The following RASGRF1 variants were observed in gnomAD, a reference collection of about 807,000 sequenced individuals.
RASGRF1 encodes ras-specific guanine nucleotide-releasing factor 1.
RASGRF1 carries 40 observed loss-of-function variants against 138.7 expected under a neutral mutation model. That is an observed-to-expected ratio of 0.29 (90% CI 0.22 to 0.38). The LOEUF (loss-of-function observed/expected upper bound fraction) is 0.38. RASGRF1 is among the 10% of genes least tolerant of loss of function. The pLI is 1.00. For missense variants in RASGRF1, 1,108 were observed against 1,650.4 expected (o/e 0.67, Z 5.69); for synonymous variants, 614 against 663.2 (o/e 0.93, Z 1.14).
rs115476322 is a variant in RASGRF1 at position 79,051,383 on chromosome 15, G to C, written c.532-1795C>G. On this transcript the variant is annotated intron_variant, in intron 3 of 26. Coordinates refer to ENST00000558480, the MANE Select transcript of RASGRF1 (RefSeq NM_001145648.3). ...TTCTCCCCACCCCCTCCCCCTTTTC[G>C]ATCCTTTGAGAACATTTGCACATTG... 3.2e-3 allele frequency among the ~76,000 whole-genome samples: 425 copies of C among 132,004 alleles called. 2 individuals carry two copies. The highest frequency in any genetic ancestry group is 0.016 in the Middle Eastern group (4 of 258). 86.6% of individuals were successfully genotyped at this position (132,004 alleles called of 152,430 possible). A position where few individuals can be genotyped will look rare whatever the true frequency, so the allele number is the denominator to read the frequency against.
intron 20 of RASGRF1, 71 bp downstream of exon 20, chr15:78,995,669 A>C (rs6495359): frequency 1 from 1,554,856 of 1,556,390 alleles, 776,681 homozygotes; most frequent in East Asian, 1. Flanking sequence ...GATGCCTGTG[A>C]TGGGTCAGGG....
chr15:78,998,666 G>T, intron 18 of RASGRF1, 53 bp downstream of exon 18: 1 of 1,452,430 alleles, frequency 6.9e-7, no homozygotes. Context: ...CTGGTTCCTG[G>T]GGCCATTGCC....
At chr15:79,041,756 C>T (rs148330298) in intron 5 of RASGRF1, among the ~76,000 whole-genome samples, 1 of 152,274 alleles carries the variant, frequency 6.6e-6, no homozygotes, top group Non-Finnish European at 1.5e-5. Context: ...CAGAACCAGG[C>T]CCCCTCACTC....
chr15:79,042,110 G>A (rs561962667), intron 5 of RASGRF1, among the ~76,000 whole-genome samples: 5 of 152,240 alleles, frequency 3.3e-5, no homozygotes, highest in East Asian at 3.9e-4. Flanking sequence ...CAAATGTTTC[G>A]TTCAAAGATC....
rs775307976 is a variant in RASGRF1 at position 79,003,939 on chromosome 15, G to A, written c.2312C>T (p.Ser771Leu). The A allele has an allele frequency of 8.1e-6, 13 of 1,614,086 alleles. No individual in the cohort carries two copies. Among genetic ancestry groups the A allele is most frequent in the African/African-American group, 8.0e-5 (6 of 74,936 alleles). ...CNSNGYTSMY[S>L]AMSPFSKATL... is the part of the protein sequence containing the mutation. ...GGCCTTGCTGAAGGGTGACATGGCC[G>A]AGTACATGCTGGTGTAGCCATTGGA... The change falls in exon 15 of 27, where the codon TCG (serine) becomes TTG (leucine). Residue 771 changes from serine (S) to leucine (L), a missense_variant. Around this residue, in one of 3 missense-constraint regions of RASGRF1, gnomAD observed 686 missense variants for 976.7 expected, o/e 0.70. Coordinates refer to ENST00000558480, the MANE Select transcript of RASGRF1 (RefSeq NM_001145648.3).
intron 16 of RASGRF1, among the ~76,000 whole-genome samples, chr15:79,001,039 T>G (rs891978534): frequency 6.6e-6 from 1 of 152,186 alleles, no homozygotes; most frequent in Non-Finnish European, 1.5e-5. Flanking sequence ...CCCCCTTGTA[T>G]AGGGGAAAGG....
intron 6 of RASGRF1, among the ~76,000 whole-genome samples, chr15:79,033,089 C>T (rs1302614517): frequency 6.6e-6 from 1 of 152,118 alleles, no homozygotes; most frequent in Non-Finnish European, 1.5e-5. Flanking sequence ...ATCTAGTTCA[C>T]CAGGTGGGGC....
At chr15:79,033,627 C>T (rs1429168611) in intron 6 of RASGRF1, among the ~76,000 whole-genome samples, 4 of 146,128 alleles carry the variant, frequency 2.7e-5, no homozygotes, top group African/African-American at 1.0e-4. Context: ...TTCTGTTGCC[C>T]AGGCTGGAGT....
intron 22 of RASGRF1, among the ~76,000 whole-genome samples, chr15:78,989,885 C>T (rs761355431): frequency 6.6e-6 from 1 of 152,180 alleles, no homozygotes; most frequent in Non-Finnish European, 1.5e-5. Context: ...AGGAGTAACC[C>T]CCACTTAGGA....
rs559528437 is a variant in RASGRF1 at position 79,041,536 on chromosome 15, G to A, written c.878+5210C>T. Among the ~76,000 whole-genome samples the A allele has an allele frequency of 5.3e-5, 8 of 152,332 alleles. No individual in the cohort carries two copies. In the South Asian group the frequency reaches 1.7e-3, roughly 32 times the overall value. On this transcript the variant is annotated intron_variant, in intron 5 of 26. Transcript: ENST00000558480. Reference sequence around the variant, plus strand: ...AAGCCAATGGCAGCAAGGGATGTGGGGGTGGTCAGGGACATGGCATCCAAG... The same window carrying A: ...AAGCCAATGGCAGCAAGGGATGTGGAGGTGGTCAGGGACATGGCATCCAAG...
chr15:79,003,400 G>A (rs2056583889), intron 15 of RASGRF1, among the ~76,000 whole-genome samples: 2 of 152,216 alleles, frequency 1.3e-5, no homozygotes, highest in Admixed American at 1.3e-4. Context: ...AATCCCAGGG[G>A]GCAGGAGCTG....
Position 79,000,342 on chromosome 15 carries a change from C to T in RASGRF1, c.2576-429G>A, listed in dbSNP as rs75410700. On this transcript the variant is annotated intron_variant, in intron 16 of 26. Transcript: ENST00000558480. ...CCATAACAATTCATACTGATGGGCT[C>T]GTGGGCACAGTGGGATGGAGAGAGG... Among the ~76,000 whole-genome samples, 850 of 152,266 alleles carry T rather than the reference C, an allele frequency of 5.6e-3. 21 individuals carry two copies. The highest frequency in any genetic ancestry group is 0.038 in the Admixed American group (585 of 15,300).
intron 1 of RASGRF1, among the ~76,000 whole-genome samples, chr15:79,079,302 A>G (rs1326910582): frequency 6.6e-6 from 1 of 152,216 alleles, no homozygotes; most frequent in Non-Finnish European, 1.5e-5. Context: ...GAATGAAGGT[A>G]CAAACTTCAG....
At chr15:79,020,436 T>G (rs1432734839) in intron 10 of RASGRF1, among the ~76,000 whole-genome samples, 1 of 152,234 alleles carries the variant, frequency 6.6e-6, no homozygotes, top group African/African-American at 2.4e-5. Flanking sequence ...GGGCATCGCT[T>G]CATAGCCCTA....
intron 26 of RASGRF1, among the ~76,000 whole-genome samples, chr15:78,969,780 ATC>A (rs1398028331): frequency 6.6e-6 from 1 of 152,092 alleles, no homozygotes; most frequent in Admixed American, 6.6e-5. Flanking sequence ...TGTAATAATC[ATC>A]TGTCATATTA....
chr15:79,027,619 C>T lies in RASGRF1; in HGVS notation c.1381+122G>A. 1 of 784,544 alleles carries T rather than the reference C, an allele frequency of 1.3e-6. No individual in the cohort carries two copies. The highest frequency in any genetic ancestry group is 2.1e-6 in the Non-Finnish European group (1 of 467,814). The allele number at this position is 784,544 out of a possible 1,614,324, so 48.6% of individuals were successfully genotyped here. On this transcript the variant is annotated intron_variant, in intron 9 of 26. Coordinates refer to ENST00000558480, the MANE Select transcript of RASGRF1 (RefSeq NM_001145648.3). This position sits in a 1 kb window ranked among gnomAD's most constrained non-coding sequence, Gnocchi z 4.8. Reference sequence around the variant, plus strand: ...CAGCAGCCTGGGAATATTCTGCAATCACATTGGCAGGTCTTGGCATGTGGC... The same window carrying T: ...CAGCAGCCTGGGAATATTCTGCAATTACATTGGCAGGTCTTGGCATGTGGC...
rs750880296 is a variant in RASGRF1 at position 79,090,487 on chromosome 15, C to A, written c.12G>T (p.Gly4=). 4.9e-5 allele frequency: 79 copies of A among 1,612,116 alleles called. No homozygotes were observed. Among genetic ancestry groups the A allele is most frequent in the Non-Finnish European group, 6.5e-5 (77 of 1,179,926 alleles). The change falls in exon 1 of 27, where the codon GGG becomes GGT. Residue 4 remains glycine, a synonymous_variant. Transcript: ENST00000558480. Reference sequence around the variant, plus strand: ...CGACGTGGCCATCATTCAGCCGGATCCCCTTCTGCATGGTGCTCAGAGGCC... The same window carrying A: ...CGACGTGGCCATCATTCAGCCGGATACCCTTCTGCATGGTGCTCAGAGGCC... The part of the protein sequence containing the change: MQK[G]IRLNDGHVAS...
At chr15:79,036,857 G>A (rs998720546) in intron 5 of RASGRF1, among the ~76,000 whole-genome samples, 5 of 152,098 alleles carry the variant, frequency 3.3e-5, no homozygotes, top group African/African-American at 2.4e-5. Flanking sequence ...GCTAAAGGGC[G>A]AAACTAGCAA....
At chr15:79,010,600 C>A (rs1014762736) in intron 13 of RASGRF1, among the ~76,000 whole-genome samples, 2 of 152,220 alleles carry the variant, frequency 1.3e-5, no homozygotes, top group African/African-American at 2.4e-5. Context: ...AGTGGAAATT[C>A]AGATTTGCTT....
Sources: allele counts gnomAD v4.1 joint callset (sites outside exome capture counted in the v4.1 genomes callset), GRCh38; gene constraint gnomAD v4.1.1; regional missense constraint gnomAD v4.1.1; non-coding constraint Gnocchi (gnomAD v3.1); transcripts MANE v1.5; gene names NCBI Gene and HGNC (gene_info 2026-07-23, HGNC 2026-07-21).